ST7: variants seen among roughly 807,000 people sequenced by gnomAD.
ST7 encodes the protein suppressor of tumorigenicity 7 protein.
In ST7, 28 loss-of-function variants were observed where a neutral mutation model predicts 78.7. That is an observed-to-expected ratio of 0.36 (90% CI 0.26 to 0.49). ST7 has a LOEUF of 0.49. Among genes scored for constraint, ST7 ranks in the 20% least tolerant of loss-of-function variants. The pLI is 0.99. For synonymous variants in ST7, 247 were observed against 249.6 expected, an observed-to-expected ratio of 0.99 and a Z score of 0.10; for missense variants, 418 against 696.0, an observed-to-expected ratio of 0.60 and a Z score of 4.49.
chr7:117,043,417 C>T (rs1465550597), intron 1 of ST7, among the ~76,000 whole-genome samples: 1 of 152,076 alleles, frequency 6.6e-6, no homozygotes, highest in Non-Finnish European at 1.5e-5. Context: ...CCATTGTGGC[C>T]TAAGAATATT....
intron 9 of ST7, among the ~76,000 whole-genome samples, chr7:117,150,010 GC>G (rs1311677926): frequency 4.6e-5 from 7 of 152,128 alleles, no homozygotes; most frequent in Non-Finnish European, 1.0e-4. Flanking sequence ...ACACCTGACT[GC>G]CAGTGTTTCT....
intron 9 of ST7, among the ~76,000 whole-genome samples, chr7:117,167,109 T>C (rs1375192833): frequency 6.6e-6 from 1 of 151,602 alleles, no homozygotes; most frequent in East Asian, 1.9e-4. Context: ...TTAGGGTACA[T>C]GTGCACATTG....
At chr7:116,988,865 C>CAT (rs956199504) in intron 1 of ST7, among the ~76,000 whole-genome samples, 3 of 152,128 alleles carry the variant, frequency 2.0e-5, no homozygotes, top group Non-Finnish European at 2.9e-5. Flanking sequence ...TGCTGTGAAA[C>CAT]ATATATATAT....
intron 1 of ST7, among the ~76,000 whole-genome samples, chr7:117,044,687 C>T (rs1386497006): frequency 2.0e-5 from 3 of 152,102 alleles, no homozygotes; most frequent in Admixed American, 2.0e-4. Flanking sequence ...TGTGTAAGGT[C>T]ACACAACTGT....
intron 1 of ST7, among the ~76,000 whole-genome samples, chr7:116,984,525 T>G (rs1338581776): frequency 1.3e-5 from 2 of 152,150 alleles, no homozygotes; most frequent in Non-Finnish European, 2.9e-5. Context: ...TTACTTAATT[T>G]TTTCCCAAGG....
intron 1 of ST7, among the ~76,000 whole-genome samples, chr7:117,059,610 A>G (rs1406548987): frequency 1.3e-5 from 2 of 151,936 alleles, no homozygotes; most frequent in Non-Finnish European, 2.9e-5. Context: ...GAATTATGTC[A>G]TCCCTCAGAG....
intron 9 of ST7, among the ~76,000 whole-genome samples, chr7:117,141,053 GA>G (rs1168959128): frequency 6.6e-6 from 1 of 152,156 alleles, no homozygotes; most frequent in Non-Finnish European, 1.5e-5. Context: ...ACTTCCCTGA[GA>G]GATTCACTCC....
intron 1 of ST7, among the ~76,000 whole-genome samples, chr7:117,052,499 T>C (rs1306113870): frequency 3.9e-5 from 6 of 152,246 alleles, no homozygotes; most frequent in Non-Finnish European, 8.8e-5. Flanking sequence ...CTTTTTTTGT[T>C]ATGAATAAAA....
chr7:117,063,250 T>G (rs1047863867), intron 1 of ST7, among the ~76,000 whole-genome samples: 1 of 152,226 alleles, frequency 6.6e-6, no homozygotes, highest in East Asian at 1.9e-4. Flanking sequence ...ATAATATGAC[T>G]GATGATTTTA....
chr7:117,014,165 A>C (rs1456396237), intron 1 of ST7, among the ~76,000 whole-genome samples: 3 of 152,202 alleles, frequency 2.0e-5, no homozygotes, highest in Non-Finnish European at 4.4e-5. Flanking sequence ...GGTTGCTTAC[A>C]AAAAAAGATA....
intron 1 of ST7, chr7:117,022,924 CA>C (rs993270497): frequency 1.3e-5 from 2 of 152,192 alleles, no homozygotes; most frequent in African/African-American, 4.8e-5. Flanking sequence ...GCTCAAAATA[CA>C]GAACATTTCC....
intron 2 of ST7, among the ~76,000 whole-genome samples, chr7:117,111,476 G>T (rs946489826): frequency 2.6e-5 from 4 of 152,088 alleles, no homozygotes; most frequent in Admixed American, 2.6e-4. Flanking sequence ...CCTCTGTAAA[G>T]AAAAAGTCAA....
intron 1 of ST7, chr7:116,955,289 G>C: frequency 3.0e-6 from 1 of 330,574 alleles, no homozygotes; most frequent in Non-Finnish European, 5.9e-6. Context: ...GAATACCACA[G>C]ATTGGGTAAT....
At chr7:117,135,509 T>C (rs1374296787) in intron 7 of ST7, among the ~76,000 whole-genome samples, 1 of 151,878 alleles carries the variant, frequency 6.6e-6, no homozygotes, top group Non-Finnish European at 1.5e-5. Flanking sequence ...AAGCACTGTG[T>C]TTTTTTTCAG....
intron 5 of ST7, 54 bp downstream of exon 5, chr7:117,130,660 C>T (rs1804272933): frequency 7.4e-7 from 1 of 1,355,728 alleles, no homozygotes; most frequent in Non-Finnish European, 1.0e-6. Context: ...GCTTAAGTGT[C>T]AAGATTTCTG....
At chr7:117,177,393 G>A (rs1808420477) in intron 10 of ST7, among the ~76,000 whole-genome samples, 1 of 152,136 alleles carries the variant, frequency 6.6e-6, no homozygotes, top group Non-Finnish European at 1.5e-5. Context: ...TTTATGTTGG[G>A]TTTGGTAATC....
intron 1 of ST7, among the ~76,000 whole-genome samples, chr7:117,064,686 A>T (rs1798538185): frequency 6.6e-6 from 1 of 152,204 alleles, no homozygotes; most frequent in Admixed American, 6.5e-5. Context: ...GCAAATGTAT[A>T]CTGTTCTTCT....
intron 12 of ST7, among the ~76,000 whole-genome samples, chr7:117,206,327 C>G (rs1450659140): frequency 6.6e-6 from 1 of 151,944 alleles, no homozygotes; most frequent in Non-Finnish European, 1.5e-5. Context: ...TGTAATTCAA[C>G]TTAAAAAAAT....
chr7:117,222,852 C>T (rs757074789), intron 15 of ST7: 1 of 1,609,096 alleles, frequency 6.2e-7, no homozygotes, highest in Non-Finnish European at 8.5e-7. Flanking sequence ...TGATTTAATC[C>T]CTTTCCAGAT....
Sources: gnomAD v4.1 joint callset for allele counts (sites outside exome capture counted in the v4.1 genomes callset) on GRCh38, gnomAD v4.1.1 for gene constraint, MANE v1.5 for transcripts, NCBI Gene and HGNC (gene_info 2026-07-23, HGNC 2026-07-21) for gene names.